Variants in UNC79 observed in about 807,000 individuals in gnomAD.
UNC79 encodes unc-79 subunit of NALCN channel complex.
UNC79 carries 37 observed loss-of-function variants against 283.1 expected under a neutral mutation model. The ratio of observed to expected loss-of-function variants is 0.13; its 90% CI spans 0.10 to 0.17. The LOEUF (loss-of-function observed/expected upper bound fraction) is 0.17. UNC79 is among the 10% of genes least tolerant of loss of function. The pLI, the probability that UNC79 is intolerant of heterozygous loss-of-function variation, is 1.00. For missense variants in UNC79, 2,272 were observed against 3,211.1 expected (o/e 0.71, Z 7.07); for synonymous variants, 1,107 against 1,200.2 (o/e 0.92, Z 1.61).
chr14:93,562,142 A>G (rs937184285), intron 14 of UNC79, among the ~76,000 whole-genome samples: 4 of 152,186 alleles, frequency 2.6e-5, no homozygotes, highest in African/African-American at 9.7e-5. Flanking sequence ...ACACAGCTTT[A>G]TTCTGGAACG....
chr14:93,385,406 A>G (rs1042117877), intron 1 of UNC79, among the ~76,000 whole-genome samples: 1 of 151,284 alleles, frequency 6.6e-6, no homozygotes, highest in African/African-American at 2.4e-5. Context: ...ATTAATTCCT[A>G]TTTTATCTTA....
At chr14:93,707,405 C>T (rs2075938142), downstream of UNC79, 1 of 153,254 alleles carries the variant, frequency 6.5e-6, no homozygotes, top group South Asian at 2.1e-4. Context: ...AGGAACATTA[C>T]AAAGTGCACT....
At chr14:93,542,480 A>G in exon 14 of UNC79, 1 of 1,613,864 alleles carries the variant, frequency 6.2e-7, no homozygotes, top group Non-Finnish European at 8.5e-7. Flanking sequence ...GCCTCTGCAC[A>G]CCCAGTGAGA....
At chr14:93,476,793 G>A (rs914524420) in intron 3 of UNC79, among the ~76,000 whole-genome samples, 2 of 152,078 alleles carry the variant, frequency 1.3e-5, no homozygotes, top group African/African-American at 4.8e-5. Context: ...AAATAGTTAT[G>A]GTTTTGTTGC....
intron 22 of UNC79, 133 bp downstream of exon 22, chr14:93,587,041 C>A: frequency 9.4e-7 from 1 of 1,059,962 alleles, no homozygotes; most frequent in Non-Finnish European, 1.3e-6. Context: ...CCTATGATAA[C>A]TACTTTTATT....
At chr14:93,569,035 TA>T (rs1437974689) in intron 14 of UNC79, among the ~76,000 whole-genome samples, 1 of 152,234 alleles carries the variant, frequency 6.6e-6, no homozygotes, top group East Asian at 1.9e-4. Context: ...GGAGGGGAAG[TA>T]AATTTCTTGA....
At chr14:93,459,082 C>T (rs371832740) in intron 1 of UNC79, among the ~76,000 whole-genome samples, 2 of 152,214 alleles carry the variant, frequency 1.3e-5, no homozygotes, top group South Asian at 2.1e-4. Flanking sequence ...ACCTCTGCCT[C>T]CTGGGTTCAA....
intron 14 of UNC79, among the ~76,000 whole-genome samples, chr14:93,544,164 C>A (rs925375959): frequency 7.2e-5 from 11 of 152,084 alleles, no homozygotes; most frequent in African/African-American, 2.4e-4. Context: ...AACTTAGGTG[C>A]AGATGTTTTG....
intron 7 of UNC79, among the ~76,000 whole-genome samples, chr14:93,507,589 G>A (rs529118394): frequency 1.3e-5 from 2 of 152,108 alleles, no homozygotes; most frequent in East Asian, 3.9e-4. Context: ...ATATGTAGTT[G>A]TTCTTTATTT....
chr14:93,674,776 C>T (rs142210879), intron 41 of UNC79, among the ~76,000 whole-genome samples: 48 of 152,278 alleles, frequency 3.2e-4, no homozygotes, highest in Middle Eastern at 3.4e-3. Flanking sequence ...CTTACAGCTT[C>T]GTGAAGCATT....
At chr14:93,677,960 C>T (rs893319547) in intron 41 of UNC79, among the ~76,000 whole-genome samples, 2 of 152,046 alleles carry the variant, frequency 1.3e-5, no homozygotes, top group Admixed American at 6.6e-5. Flanking sequence ...GTGCCTCTTT[C>T]TAGGGTTTCT....
intron 40 of UNC79, among the ~76,000 whole-genome samples, chr14:93,663,105 A>G (rs1308999852): frequency 6.6e-6 from 1 of 152,230 alleles, no homozygotes; most frequent in Non-Finnish European, 1.5e-5. Flanking sequence ...GTAGAAAAAT[A>G]TCAGCTGTCA....
chr14:93,419,045 G>C (rs978907101), intron 1 of UNC79, among the ~76,000 whole-genome samples: 5 of 151,758 alleles, frequency 3.3e-5, no homozygotes, highest in South Asian at 2.1e-4. Context: ...TGTGCCCACT[G>C]TCTGGCACTC....
chr14:93,690,379 T>C lies in UNC79; in HGVS notation c.7272+76T>C. ...AAACCTTATCAGCCAATTATGTTTC[T>C]TCTGAGAAGAAAATACATCTTATCA... On this transcript the variant is annotated intron_variant, in intron 45 of 48. Transcript: ENST00000555664. The surrounding 1 kb of genome is among the most constrained non-coding windows in gnomAD (Gnocchi z 4.3). 1 of 1,492,170 alleles carries C rather than the reference T, an allele frequency of 6.7e-7. No individual in the cohort carries two copies. Among genetic ancestry groups the C allele is most frequent in the Non-Finnish European group, 9.1e-7 (1 of 1,103,154 alleles). The allele number at this position is 1,492,170 out of a possible 1,614,324, so 92.4% of individuals were successfully genotyped here.
rs570684968 is a variant in UNC79 at position 93,505,407 on chromosome 14, G to A, written c.898+8121G>A. ...TAATTGAAACTTTTACCATTACAAA[G>A]TGCATGTCTTTATCTCTTCTAATAC... On this transcript the variant is annotated intron_variant, in intron 7 of 48. Coordinates refer to ENST00000555664, the Ensembl canonical transcript of UNC79. 2.0e-5 allele frequency among the ~76,000 whole-genome samples: 3 copies of A among 152,184 alleles called. No homozygotes were observed. The South Asian group carries it at 6.2e-4, about 32-fold the overall frequency.
intron 31 of UNC79, among the ~76,000 whole-genome samples, chr14:93,636,050 T>C (rs1358090158): frequency 6.6e-6 from 1 of 152,246 alleles, no homozygotes; most frequent in Non-Finnish European, 1.5e-5. Flanking sequence ...TAGCTCAGCC[T>C]AAGCTAACCA....
intron 1 of UNC79, among the ~76,000 whole-genome samples, chr14:93,367,842 G>A (rs1029418993): frequency 3.9e-5 from 6 of 152,096 alleles, no homozygotes; most frequent in African/African-American, 9.7e-5. Flanking sequence ...TTGCCTTCCC[G>A]TAGTCCATGA....
At chr14:93,676,803 GAATA>G (rs1397328932) in intron 41 of UNC79, among the ~76,000 whole-genome samples, 1 of 152,182 alleles carries the variant, frequency 6.6e-6, no homozygotes, top group Non-Finnish European at 1.5e-5. Context: ...ACAGTTAGGT[GAATA>G]AATAACAAAA....
chr14:93,668,359 A>G (rs1020180716), intron 40 of UNC79, among the ~76,000 whole-genome samples: 13 of 152,218 alleles, frequency 8.5e-5, no homozygotes, highest in African/African-American at 2.9e-4. Context: ...ACTACAGATG[A>G]TTATAAAACA....
Sources: allele counts gnomAD v4.1 joint callset (sites outside exome capture counted in the v4.1 genomes callset), GRCh38; gene constraint gnomAD v4.1.1; non-coding constraint Gnocchi (gnomAD v3.1); transcripts MANE v1.5; gene names NCBI Gene and HGNC (gene_info 2026-07-23, HGNC 2026-07-21).